FGL1: variants seen among roughly 807,000 people sequenced by gnomAD.
FGL1 encodes fibrinogen-like protein 1.
FGL1 carries 59 observed loss-of-function variants against 43.7 expected under a neutral mutation model. That is an observed-to-expected ratio of 1.35 (90% CI 1.10 to 1.68). The LOEUF is 1.68. FGL1 is among the 40% of genes most tolerant of loss of function. FGL1 has a pLI of 0.00. For missense variants in FGL1, 596 were observed against 373.0 expected (o/e 1.60, Z -4.92); for synonymous variants, 192 against 126.5 (o/e 1.52, Z -3.48).
chr8:17,891,706 A>G, intron 1 of FGL1: 1 of 985,180 alleles, frequency 1.0e-6, no homozygotes, highest in Non-Finnish European at 1.2e-6. Context: ...AGAACTTCCC[A>G]GGATCTGTTA....
At chr8:17,891,513 T>C (rs2053704668) in intron 1 of FGL1, 1 of 178,008 alleles carries the variant, frequency 5.6e-6, no homozygotes, top group African/African-American at 2.4e-5. Flanking sequence ...CCTAATCCAG[T>C]ATGACCTCAT....
intron 3 of FGL1, among the ~76,000 whole-genome samples, chr8:17,881,741 G>C (rs906219801): frequency 6.6e-6 from 1 of 151,322 alleles, no homozygotes; most frequent in Non-Finnish European, 1.5e-5. Context: ...GACTGAGGCA[G>C]GAGAATGGTG....
At chr8:17,884,864 G>T (rs921105902) in intron 2 of FGL1, among the ~76,000 whole-genome samples, 1 of 151,990 alleles carries the variant, frequency 6.6e-6, no homozygotes, top group Admixed American at 6.6e-5. Context: ...ACACAAGTTC[G>T]ATGTAATTAC....
chr8:17,876,723 A>T (rs1315828708), intron 3 of FGL1, among the ~76,000 whole-genome samples: 1 of 152,200 alleles, frequency 6.6e-6, no homozygotes, highest in African/African-American at 2.4e-5. Context: ...CAAAGAGCTG[A>T]ATACTAAAGA....
intron 5 of FGL1, among the ~76,000 whole-genome samples, chr8:17,870,386 A>G (rs921275730): frequency 1.3e-5 from 2 of 152,190 alleles, no homozygotes; most frequent in Non-Finnish European, 2.9e-5. Flanking sequence ...ACCAAATGTT[A>G]TAAATCAAAT....
At position 17,875,537 on chromosome 8, in the gene FGL1, CTTTCTTTCTT is replaced by C. The variant is rs1563452379; in HGVS notation, c.245-1026_245-1017del. Among the ~76,000 whole-genome samples, 19 of 12,232 alleles carry C rather than the reference CTTTCTTTCTT, an allele frequency of 1.6e-3. 4 individuals carry two copies. Among genetic ancestry groups the C allele is most frequent in the African/African-American group, 3.4e-3 (14 of 4,118 alleles). 8.0% of individuals were successfully genotyped at this position (12,232 alleles called of 152,430 possible). A position where few individuals can be genotyped will look rare whatever the true frequency, so the allele number is the denominator to read the frequency against. On this transcript the variant is annotated intron_variant, in intron 3 of 7. Coordinates refer to ENST00000427924, the MANE Select transcript of FGL1 (RefSeq NM_004467.4). ...TTTCTTTCTTTCTTTCTTTCTTTCT[CTTTCTTTCTT>C]TCTTTCTTTCTTTCTTTCTTTCTTT...
chr8:17,890,911 C>A (rs3853530), intron 1 of FGL1, among the ~76,000 whole-genome samples: 2 of 151,792 alleles, frequency 1.3e-5, no homozygotes, highest in African/African-American at 2.4e-5. Flanking sequence ...CTGGGTCCAT[C>A]CCATAACATG....
intron 3 of FGL1, among the ~76,000 whole-genome samples, chr8:17,881,553 G>A (rs983246643): frequency 6.6e-6 from 1 of 151,522 alleles, no homozygotes; most frequent in African/African-American, 2.4e-5. Context: ...TAAAGTGTCG[G>A]CTGGGCACGG....
At chr8:17,877,250 A>G (rs1352078785) in intron 3 of FGL1, among the ~76,000 whole-genome samples, 1 of 152,182 alleles carries the variant, frequency 6.6e-6, no homozygotes, top group Non-Finnish European at 1.5e-5. Context: ...TAAAAAAGAA[A>G]AAGAATTTTG....
At chr8:17,868,517 CCATTA>C in intron 7 of FGL1, 26 bp downstream of exon 7, 1 of 1,560,418 alleles carries the variant, frequency 6.4e-7, no homozygotes, top group Non-Finnish European at 8.7e-7. Context: ...ATCATCAACT[CCATTA>C]CAACTATGCT....
chr8:17,874,287 A>C (rs1272902984), intron 4 of FGL1, 75 bp downstream of exon 4: 2 of 1,500,226 alleles, frequency 1.3e-6, no homozygotes, highest in African/African-American at 2.8e-5. Flanking sequence ...AGGCTTCAGG[A>C]TATGATCAAA....
At chr8:17,878,950 T>C (rs2053495992) in intron 3 of FGL1, among the ~76,000 whole-genome samples, 1 of 68,144 alleles carries the variant, frequency 1.5e-5, no homozygotes, top group Admixed American at 1.1e-4. Context: ...GTTATATATT[T>C]TATTTATTGA....
At chr8:17,894,597 C>G (rs6983591) in intron 1 of FGL1, among the ~76,000 whole-genome samples, 81,376 of 145,872 alleles carry the variant, frequency 0.56, 26,974 homozygotes, top group Middle Eastern at 0.71. Flanking sequence ...ATTTTTTATA[C>G]TGAAACTGTA....
chr8:17,886,106 T>C (rs1325198624), intron 1 of FGL1, among the ~76,000 whole-genome samples: 1 of 152,236 alleles, frequency 6.6e-6, no homozygotes, highest in Non-Finnish European at 1.5e-5. Context: ...CCCTAGCATT[T>C]AATTCTTGTG....
rs200323004 is a variant in FGL1 at position 17,868,597 on chromosome 8, A to G, written c.730T>C (p.Tyr244His). 12 of 1,613,956 alleles carry G rather than the reference A, an allele frequency of 7.4e-6. No individual in the cohort carries two copies. The Admixed American group carries it at 1.7e-4, about 22-fold the overall frequency. ...TCTTCTTCTGCGCAGTTCCCTTCAT[A>G]GTTGTCATGATCTCTGTCCCACGTG... is the stretch of plus-strand genomic sequence containing the variant. ...FSTWDRDHDN[Y>H]EGNCAEEDQS... The change falls in exon 7 of 8, where the codon TAT (tyrosine) becomes CAT (histidine). Residue 244 changes from tyrosine (Y) to histidine (H), a missense_variant. By Grantham distance (83) the Tyr-to-His change is moderately conservative (BLOSUM62 2). Transcript: ENST00000427924.
At chr8:17,873,335 C>A (rs1269131490) in intron 5 of FGL1, among the ~76,000 whole-genome samples, 1 of 152,088 alleles carries the variant, frequency 6.6e-6, no homozygotes, top group Non-Finnish European at 1.5e-5. Context: ...GGCTAGCTAG[C>A]TGGAAGATGA....
chr8:17,887,156 G>A (rs527924851), intron 1 of FGL1, among the ~76,000 whole-genome samples: 3 of 141,148 alleles, frequency 2.1e-5, no homozygotes, highest in African/African-American at 7.9e-5. Flanking sequence ...CCAGGCAACC[G>A]GCTCTACACT....
At position 17,882,063 on chromosome 8, in the gene FGL1, G is replaced by T. The variant is rs1189523023; in HGVS notation, c.180C>A (p.Val60=). Residue 60 remains valine, a synonymous_variant, in exon 3 of 8, where the codon GTC becomes GTA. Coordinates refer to ENST00000427924, the MANE Select transcript of FGL1 (RefSeq NM_004467.4). ...KIKQLLQENE[V]QFLDKGDENT... The stretch of plus-strand genomic sequence containing the variant: ...TCTCATCTCCTTTATCAAGGAACTG[G>T]ACTTCATTCTCCTGCAAAAGCTGCT... 8.1e-6 allele frequency: 13 copies of T among 1,613,862 alleles called. No homozygotes were observed. The highest frequency in any genetic ancestry group is 2.7e-5 in the African/African-American group (2 of 74,884).
chr8:17,876,206 A>T (rs532504110), intron 3 of FGL1, among the ~76,000 whole-genome samples: 1 of 152,322 alleles, frequency 6.6e-6, no homozygotes, highest in African/African-American at 2.4e-5. Flanking sequence ...GGATAATTCC[A>T]TTCTTGTAGC....
Sources: allele counts gnomAD v4.1 joint callset (sites outside exome capture counted in the v4.1 genomes callset), GRCh38; gene constraint gnomAD v4.1.1; transcripts MANE v1.5; gene names NCBI Gene and HGNC (gene_info 2026-07-23, HGNC 2026-07-21).